Variants in GABRB1 observed in about 807,000 individuals in gnomAD.
The protein encoded by GABRB1 is gamma-aminobutyric acid receptor subunit beta-1.
Under a neutral mutation model 51.6 loss-of-function variants are expected in GABRB1, and 17 were observed. The ratio of observed to expected loss-of-function variants is 0.33; its 90% CI spans 0.23 to 0.49. GABRB1 has a LOEUF of 0.49. GABRB1 is among the 20% of genes least tolerant of loss of function. The probability of loss-of-function intolerance (pLI) is 0.99; values close to 1 mark genes in which losing one functional copy is unlikely to be tolerated. For synonymous variants in GABRB1, 247 were observed against 218.9 expected (o/e 1.13, Z -1.14); for missense variants, 410 against 600.6 (o/e 0.68, Z 3.32).
At chr4:47,368,221 A>G (rs1384604751) in intron 5 of GABRB1, among the ~76,000 whole-genome samples, 1 of 152,164 alleles carries the variant, frequency 6.6e-6, no homozygotes, top group Non-Finnish European at 1.5e-5. Flanking sequence ...CAACATATAA[A>G]TATCCTCAAA....
intron 8 of GABRB1, among the ~76,000 whole-genome samples, chr4:47,423,317 T>G (rs1729150360): frequency 6.6e-6 from 1 of 152,172 alleles, no homozygotes; most frequent in Non-Finnish European, 1.5e-5. Flanking sequence ...TTCAGTGTAG[T>G]TGTCAACTGG....
intron 1 of GABRB1, among the ~76,000 whole-genome samples, chr4:47,012,054 A>G (rs1172999595): frequency 6.6e-6 from 1 of 152,190 alleles, no homozygotes; most frequent in Admixed American, 6.5e-5. Flanking sequence ...TATCCACCAC[A>G]CTGTCCTTCA....
chr4:47,110,643 A>G (rs1715178294), intron 3 of GABRB1, among the ~76,000 whole-genome samples: 1 of 152,182 alleles, frequency 6.6e-6, no homozygotes, highest in Non-Finnish European at 1.5e-5. Context: ...TTCATGGTAA[A>G]TGAGATAGGA....
At chr4:47,126,647 T>C (rs1716156799) in intron 3 of GABRB1, among the ~76,000 whole-genome samples, 1 of 152,082 alleles carries the variant, frequency 6.6e-6, no homozygotes, top group Non-Finnish European at 1.5e-5. Flanking sequence ...ACATTGACTA[T>C]GATGTCGATA....
At chr4:47,256,119 T>C (rs1722188536) in intron 4 of GABRB1, among the ~76,000 whole-genome samples, 1 of 152,136 alleles carries the variant, frequency 6.6e-6, no homozygotes, top group Non-Finnish European at 1.5e-5. Flanking sequence ...GCAGAGATGA[T>C]AGGGGCTTGA....
intron 5 of GABRB1, among the ~76,000 whole-genome samples, chr4:47,384,022 G>A (rs1168790912): frequency 6.6e-6 from 1 of 152,062 alleles, no homozygotes; most frequent in Non-Finnish European, 1.5e-5. Flanking sequence ...AAGATCTTGA[G>A]TGCCCTCTAC....
upstream of GABRB1, among the ~76,000 whole-genome samples, chr4:47,028,091 A>T (rs1437565167): frequency 5.3e-5 from 8 of 151,806 alleles, no homozygotes; most frequent in Admixed American, 1.3e-4. Flanking sequence ...TATCTATTTT[A>T]AAAATTGTAT....
intron 1 of GABRB1, among the ~76,000 whole-genome samples, chr4:46,995,413 G>A (rs1157486370): frequency 6.6e-6 from 1 of 152,172 alleles, no homozygotes; most frequent in Non-Finnish European, 1.5e-5. Context: ...AGGCTGGAGA[G>A]CAGTGGTACC....
At chr4:47,155,666 T>G (rs945668034) in intron 3 of GABRB1, among the ~76,000 whole-genome samples, 1 of 151,866 alleles carries the variant, frequency 6.6e-6, no homozygotes. Flanking sequence ...TCAACATATT[T>G]GAACATATTT....
At chr4:47,240,244 C>T (rs1399782925) in intron 4 of GABRB1, among the ~76,000 whole-genome samples, 2 of 152,196 alleles carry the variant, frequency 1.3e-5, no homozygotes, top group African/African-American at 4.8e-5. Flanking sequence ...GAAGAAGGAG[C>T]AAGGGAATAA....
intron 4 of GABRB1, among the ~76,000 whole-genome samples, chr4:47,296,162 T>C (rs767480430): frequency 6.6e-6 from 1 of 152,194 alleles, no homozygotes; most frequent in South Asian, 2.1e-4. Context: ...TCATGCCAAA[T>C]TGTAAAGACC....
rs890248643 is a variant in GABRB1 at position 47,154,987 on chromosome 4, C to G, written c.241-6262C>G. ...CTCCTGCCTCAGATCCTTTGTCTAA[C>G]AAGCAAATTCCTGAGAAAGGACTCT... On this transcript the variant is annotated intron_variant, in intron 3 of 8. Coordinates refer to ENST00000295454, the MANE Select transcript of GABRB1 (RefSeq NM_000812.4). 9.9e-5 allele frequency among the ~76,000 whole-genome samples: 15 copies of G among 152,200 alleles called. No homozygotes were observed. In the East Asian group the frequency reaches 2.9e-3, roughly 30 times the overall value.
chr4:47,280,859 T>A (rs1723268024), intron 4 of GABRB1, among the ~76,000 whole-genome samples: 2 of 150,176 alleles, frequency 1.3e-5, no homozygotes, highest in South Asian at 4.2e-4. Context: ...CTTGCTAAAT[T>A]GCCAGGCTGG....
At chr4:47,338,397 C>T (rs1457666844) in intron 5 of GABRB1, among the ~76,000 whole-genome samples, 2 of 152,202 alleles carry the variant, frequency 1.3e-5, no homozygotes, top group Non-Finnish European at 2.9e-5. Flanking sequence ...AGCATTTTTA[C>T]AGATGCACCA....
chr4:47,278,387 A>G (rs957225177), intron 4 of GABRB1, among the ~76,000 whole-genome samples: 1 of 152,178 alleles, frequency 6.6e-6, no homozygotes, highest in African/African-American at 2.4e-5. Flanking sequence ...AAATGCTTAC[A>G]TTAGTCTCTC....
intron 5 of GABRB1, among the ~76,000 whole-genome samples, chr4:47,376,741 C>T (rs1017943833): frequency 7.6e-6 from 1 of 131,194 alleles, no homozygotes; most frequent in Non-Finnish European, 1.8e-5. Flanking sequence ...AGGATTTGAG[C>T]AGTGAAAGGA....
At chr4:47,337,269 A>G (rs1054697381) in intron 5 of GABRB1, among the ~76,000 whole-genome samples, 2 of 152,084 alleles carry the variant, frequency 1.3e-5, no homozygotes, top group African/African-American at 4.8e-5. Flanking sequence ...AGTGACAAAG[A>G]GTCACTTCAT....
chr4:47,300,264 T>C (rs2109936887), intron 4 of GABRB1, among the ~76,000 whole-genome samples: 1 of 152,046 alleles, frequency 6.6e-6, no homozygotes, highest in South Asian at 2.1e-4. Context: ...AAATTAAAAT[T>C]AAAAAAGTGT....
At chr4:47,273,854 C>T (rs1048115979) in intron 4 of GABRB1, among the ~76,000 whole-genome samples, 1 of 99,340 alleles carries the variant, frequency 1.0e-5, no homozygotes, top group Admixed American at 1.1e-4. Context: ...GAAAGTAAAC[C>T]ATATATACAT....
Sources: gnomAD v4.1 joint callset for allele counts (sites outside exome capture counted in the v4.1 genomes callset) on GRCh38, gnomAD v4.1.1 for gene constraint, MANE v1.5 for transcripts, NCBI Gene and HGNC (gene_info 2026-07-23, HGNC 2026-07-21) for gene names.